SLC25A36: variants seen among roughly 807,000 people sequenced by gnomAD.
The protein encoded by SLC25A36 is solute carrier family 25 member 36.
SLC25A36 carries 24 observed loss-of-function variants against 35.3 expected under a neutral mutation model. The ratio of observed to expected loss-of-function variants is 0.68; its 90% CI spans 0.49 to 0.96. The LOEUF is 0.96. Ranked by LOEUF, SLC25A36 falls within the 40% of genes least tolerant of loss-of-function variation. The pLI is 0.00. For synonymous variants in SLC25A36, 141 were observed against 132.2 expected (o/e 1.07, Z -0.46); for missense variants, 294 against 381.1 (o/e 0.77, Z 1.90).
In SLC25A36 at chr3:140,959,555, A is replaced by G; in HGVS notation, c.284+15A>G. The G allele has an allele frequency of 7.3e-7, 1 of 1,378,738 alleles. No homozygotes were observed. The highest frequency in any genetic ancestry group is 9.5e-7 in the Non-Finnish European group (1 of 1,047,790). The allele number at this position is 1,378,738 out of a possible 1,614,324, so 85.4% of individuals were successfully genotyped here. On this transcript the variant is annotated intron_variant, in intron 3 of 6. Coordinates refer to ENST00000324194, the MANE Select transcript of SLC25A36 (RefSeq NM_001104647.3). ...GCCCCTTCCAGGTAAAAAAAAAAAA[A>G]AATTGTTTAAAGCAAGTTATGGCAA...
At position 140,980,310 on chromosome 3, in the gene SLC25A36, A is replaced by G. The variant is rs1392132834; in HGVS notation, c.*3857A>G. On this transcript the variant is annotated 3_prime_UTR_variant, in exon 7 of 7. Coordinates refer to ENST00000324194, the MANE Select transcript of SLC25A36 (RefSeq NM_001104647.3). ...AATGAATCCACATAATGTTAGATCA[A>G]AATACAAATGACAAAGATAAAATGC... is the stretch of plus-strand genomic sequence containing the variant. 1.3e-5 allele frequency among the ~76,000 whole-genome samples: 2 copies of G among 152,386 alleles called. No individual in the cohort carries two copies. The highest frequency in any genetic ancestry group is 2.1e-4 in the South Asian group (1 of 4,830).
chr3:140,943,413 A>C (rs1934072560), intron 1 of SLC25A36, among the ~76,000 whole-genome samples: 1 of 152,244 alleles, frequency 6.6e-6, no homozygotes, highest in African/African-American at 2.4e-5. Context: ...CTGGCATAAA[A>C]ACAATATTTT....
At chr3:140,946,093 G>T (rs1934156418) in intron 1 of SLC25A36, among the ~76,000 whole-genome samples, 1 of 152,130 alleles carries the variant, frequency 6.6e-6, no homozygotes, top group Non-Finnish European at 1.5e-5. Flanking sequence ...ATATAGTATT[G>T]AAGAATATCG....
In SLC25A36 at chr3:140,949,164, T is replaced by A. The variant is rs192467549; in HGVS notation, c.41+7069T>A. Among the ~76,000 whole-genome samples, 4 of 152,340 alleles carry A rather than the reference T, an allele frequency of 2.6e-5. No homozygotes were observed. In the East Asian group the frequency reaches 7.7e-4, roughly 29 times the overall value. ...CACTATCTTTTTGCCACTTCTTTAC[T>A]CAAGAGGTCCATAAAGGCCCTTAAG... On this transcript the variant is annotated intron_variant, in intron 1 of 6. Transcript: ENST00000324194.
At chr3:140,973,525 T>C in intron 5 of SLC25A36, 191 bp from the exon 6 acceptor site, 1 of 425,396 alleles carries the variant, frequency 2.4e-6, no homozygotes, top group Non-Finnish European at 4.0e-6. Context: ...ATAAACTATT[T>C]ACATATCACC....
chr3:140,950,744 G>A (rs1272983214), intron 1 of SLC25A36, among the ~76,000 whole-genome samples: 1 of 152,128 alleles, frequency 6.6e-6, no homozygotes, highest in African/African-American at 2.4e-5. Context: ...GGAAGTTGAA[G>A]TCCTTGAAAG....
chr3:140,964,373 T>C (rs767185919), intron 4 of SLC25A36: 2 of 151,912 alleles, frequency 1.3e-5, no homozygotes, highest in Non-Finnish European at 1.5e-5. Context: ...CATTTACCAA[T>C]AAGGAAACCT....
chr3:140,973,550 A>T (rs777972976), intron 5 of SLC25A36, 166 bp from the exon 6 acceptor site: 74 of 538,006 alleles, frequency 1.4e-4, no homozygotes, highest in Non-Finnish European at 2.0e-4. Context: ...TAATATGACA[A>T]ATTTGGGACA....
intron 1 of SLC25A36, among the ~76,000 whole-genome samples, chr3:140,950,438 T>C (rs1934288969): frequency 6.6e-6 from 1 of 152,220 alleles, no homozygotes; most frequent in Non-Finnish European, 1.5e-5. Context: ...TGGTTTTTTT[T>C]CAGGTCTGCC....
chr3:140,971,361 C>G lies in SLC25A36; in HGVS notation c.452+368C>G, dbSNP rs1404113347. 1.3e-5 allele frequency among the ~76,000 whole-genome samples: 2 copies of G among 152,136 alleles called. 1 individual carries two copies. Among genetic ancestry groups the G allele is most frequent in the Admixed American group, 1.3e-4 (2 of 15,250 alleles). ...TAAGTAAGCCACAAGGTCAGCTAGTCTAGACTGAATCTTTGAGGATCATTG... is the reference window on the plus strand; with the variant it reads ...TAAGTAAGCCACAAGGTCAGCTAGTGTAGACTGAATCTTTGAGGATCATTG... On this transcript the variant is annotated intron_variant, in intron 5 of 6. Transcript: ENST00000324194.
At chr3:140,962,708 A>G (rs1934660522) in intron 3 of SLC25A36, among the ~76,000 whole-genome samples, 1 of 152,142 alleles carries the variant, frequency 6.6e-6, no homozygotes, top group African/African-American at 2.4e-5. Context: ...ATTTAGCCTT[A>G]GCATTACACC....
intron 4 of SLC25A36, chr3:140,965,830 T>C (rs966381592): frequency 4.0e-5 from 6 of 151,800 alleles, no homozygotes; most frequent in African/African-American, 1.4e-4. Flanking sequence ...CTATTGAGGG[T>C]ATCTGTTTTG....
chr3:140,969,565 C>T (rs992975116), intron 4 of SLC25A36, among the ~76,000 whole-genome samples: 4 of 151,750 alleles, frequency 2.6e-5, no homozygotes, highest in African/African-American at 4.8e-5. Flanking sequence ...ATTTGTATAA[C>T]GTCTGGCTAT....
chr3:140,963,956 G>A (rs958339460), intron 4 of SLC25A36: 1 of 151,948 alleles, frequency 6.6e-6, no homozygotes, highest in African/African-American at 2.4e-5. Flanking sequence ...TTGCTGCTAT[G>A]CATGTTAGAC....
chr3:140,956,560 T>G lies in SLC25A36; in HGVS notation c.75T>G (p.Cys25Trp). ...GTACAGTGGGAGCTATTCTGACATG[T>G]CCACTGGAAGTTGTAAAAACACGAC... ...CGGTVGAILT[C>W]PLEVVKTRLQ... Residue 25 changes from cysteine (C) to tryptophan (W), a missense_variant, in exon 2 of 7, where the codon TGT becomes TGG. Physicochemically the swap from Cys to Trp is radical, Grantham distance 215. This residue lies in a region of SLC25A36 where 185 missense variants were observed against 201.5 expected (regional missense o/e 0.92). Coordinates refer to ENST00000324194, the MANE Select transcript of SLC25A36 (RefSeq NM_001104647.3). 6.2e-7 allele frequency: 1 copy of G among 1,611,976 alleles called. No homozygotes were observed. Among genetic ancestry groups the G allele is most frequent in the Non-Finnish European group, 8.5e-7 (1 of 1,179,544 alleles).
In SLC25A36 at chr3:140,979,165, A is replaced by C. The variant is rs1935127128; in HGVS notation, c.*2712A>C. The C allele has an allele frequency of 6.6e-6, 1 of 152,288 alleles. No homozygotes were observed. The highest frequency in any genetic ancestry group is 1.5e-5 in the Non-Finnish European group (1 of 67,988). 9.4% of individuals were successfully genotyped at this position (152,288 alleles called of 1,614,324 possible). A position where few individuals can be genotyped will look rare whatever the true frequency, so the allele number is the denominator to read the frequency against. On this transcript the variant is annotated 3_prime_UTR_variant, in exon 7 of 7. Transcript: ENST00000324194. Reference sequence around the variant, plus strand: ...CATCCTTTCTAGATGGGTCCACCACAGTGAATTTGTAACTTTGAAGTCAGG... The same window carrying C: ...CATCCTTTCTAGATGGGTCCACCACCGTGAATTTGTAACTTTGAAGTCAGG...
Position 140,973,708 on chromosome 3 carries a change from C to T in SLC25A36, c.453-8C>T. On this transcript the variant is annotated splice_polypyrimidine_tract_variant and splice_region_variant and intron_variant, in intron 5 of 6. Transcript: ENST00000324194. Reference sequence around the variant, plus strand: ...CCTATCAGTAAGATGTTTCTTTTTGCTTTTCAGGAACCGCGGGGAAAGGCG... The same window carrying T: ...CCTATCAGTAAGATGTTTCTTTTTGTTTTTCAGGAACCGCGGGGAAAGGCG... The T allele has an allele frequency of 4.9e-6, 7 of 1,433,714 alleles. No individual in the cohort carries two copies. Among genetic ancestry groups the T allele is most frequent in the East Asian group, 2.4e-5 (1 of 41,454 alleles). The allele number at this position is 1,433,714 out of a possible 1,614,324, so 88.8% of individuals were successfully genotyped here.
At chr3:140,964,731 AT>A (rs1934716600) in intron 4 of SLC25A36, 1 of 151,884 alleles carries the variant, frequency 6.6e-6, no homozygotes. Flanking sequence ...ATTTGAAAGA[AT>A]TGGAATCTAG....
In SLC25A36 at chr3:140,977,656, A is replaced by G. The variant is rs1282221135; in HGVS notation, c.*1203A>G. The G allele has an allele frequency of 6.6e-6, 1 of 152,170 alleles. No homozygotes were observed. The highest frequency in any genetic ancestry group is 2.4e-5 in the African/African-American group (1 of 41,450). The allele number at this position is 152,170 out of a possible 1,614,324, so 9.4% of individuals were successfully genotyped here. A position where few individuals can be genotyped will look rare whatever the true frequency, so the allele number is the denominator to read the frequency against. On this transcript the variant is annotated 3_prime_UTR_variant, in exon 7 of 7. Transcript: ENST00000324194. ...TAGGATGTAGCTTTTAAATTCTGCT[A>G]TTGAGTCAGCTGTACCTTTTAATAC...
Sources: gnomAD v4.1 joint callset for allele counts (sites outside exome capture counted in the v4.1 genomes callset) on GRCh38, gnomAD v4.1.1 for gene constraint, gnomAD v4.1.1 regional missense constraint, MANE v1.5 for transcripts, NCBI Gene and HGNC (gene_info 2026-07-23, HGNC 2026-07-21) for gene names.